The following ZRANB3 variants were observed in gnomAD, a reference collection of about 807,000 sequenced individuals.
ZRANB3 encodes DNA annealing helicase and endonuclease ZRANB3.
ZRANB3 carries 125 observed loss-of-function variants against 133.8 expected under a neutral mutation model. The ratio of observed to expected loss-of-function variants is 0.93; its 90% CI spans 0.81 to 1.08. ZRANB3 has a LOEUF of 1.08. ZRANB3 is among the 50% of genes least tolerant of loss of function. The pLI is 0.00. For synonymous variants in ZRANB3, 387 were observed against 432.7 expected (o/e 0.89, Z 1.31); for missense variants, 1,229 against 1,275.5 (o/e 0.96, Z 0.56).
intron 2 of ZRANB3, among the ~76,000 whole-genome samples, chr2:135,473,389 G>A (rs1456329920): frequency 6.6e-6 from 1 of 152,100 alleles, no homozygotes; most frequent in Non-Finnish European, 1.5e-5. Context: ...AATTTGAGCT[G>A]GGAAAAGGAC....
intron 3 of ZRANB3, among the ~76,000 whole-genome samples, chr2:135,379,401 A>G (rs977640694): frequency 6.6e-6 from 1 of 152,168 alleles, no homozygotes; most frequent in African/African-American, 2.4e-5. Context: ...TCAAAAATAG[A>G]AAGTCTGGTA....
intron 1 of ZRANB3, among the ~76,000 whole-genome samples, chr2:135,521,559 A>G (rs1488729170): frequency 3.3e-5 from 5 of 152,122 alleles, no homozygotes; most frequent in Non-Finnish European, 7.4e-5. Flanking sequence ...ATAAATACCT[A>G]CTATGCTTCA....
At chr2:135,313,398 C>A in intron 8 of ZRANB3, 91 bp downstream of exon 8, 10 of 761,122 alleles carry the variant, frequency 1.3e-5, no homozygotes, top group East Asian at 2.9e-5. Context: ...AGAAATTCTG[C>A]AATATATAAA....
chr2:135,426,859 AAAAAATATATATATATATATATATATAT>A (rs1689107252), intron 2 of ZRANB3, among the ~76,000 whole-genome samples: 1 of 47,824 alleles, frequency 2.1e-5, no homozygotes, highest in African/African-American at 1.4e-4. Flanking sequence ...AAAAAAAAAA[AAAAAATATATATATATATATATATATAT>A]ATATATATAT....
At chr2:135,388,840 G>A (rs890809646) in intron 3 of ZRANB3, among the ~76,000 whole-genome samples, 1 of 152,144 alleles carries the variant, frequency 6.6e-6, no homozygotes, top group African/African-American at 2.4e-5. Flanking sequence ...ACTTTGGGAG[G>A]CAGAGGCGGA....
chr2:135,253,135 TA>T (rs1679483678), intron 12 of ZRANB3, among the ~76,000 whole-genome samples: 4 of 152,322 alleles, frequency 2.6e-5, no homozygotes, highest in East Asian at 3.9e-4. Flanking sequence ...AAAATTCTGG[TA>T]AAAGCTATAT....
At chr2:135,356,595 T>C (rs1158797819) in intron 3 of ZRANB3, among the ~76,000 whole-genome samples, 1 of 152,262 alleles carries the variant, frequency 6.6e-6, no homozygotes, top group African/African-American at 2.4e-5. Context: ...TGTATTCTTG[T>C]ATCTAATCTA....
intron 2 of ZRANB3, among the ~76,000 whole-genome samples, chr2:135,475,267 T>C (rs947156437): frequency 6.6e-6 from 1 of 152,204 alleles, no homozygotes; most frequent in African/African-American, 2.4e-5. Context: ...ACATGAAGCA[T>C]TCACTTAACA....
chr2:135,401,912 G>A (rs550556582), intron 2 of ZRANB3, among the ~76,000 whole-genome samples: 9 of 151,950 alleles, frequency 5.9e-5, no homozygotes, highest in Non-Finnish European at 1.2e-4. Flanking sequence ...TATTAGTTTT[G>A]GCCATAAAAC....
chr2:135,258,968 C>T (rs1679803561), intron 12 of ZRANB3, among the ~76,000 whole-genome samples: 1 of 152,206 alleles, frequency 6.6e-6, no homozygotes, highest in African/African-American at 2.4e-5. Context: ...CACAACAAAG[C>T]AAACATTTCA....
chr2:135,449,768 CT>C (rs896137421), intron 2 of ZRANB3, among the ~76,000 whole-genome samples: 9 of 152,224 alleles, frequency 5.9e-5, no homozygotes, highest in African/African-American at 1.9e-4. Context: ...CCATTTCTTT[CT>C]TTTTTTGAGG....
intron 12 of ZRANB3, among the ~76,000 whole-genome samples, chr2:135,255,433 C>T (rs1679607527): frequency 1.3e-5 from 2 of 152,170 alleles, no homozygotes; most frequent in African/African-American, 4.8e-5. Flanking sequence ...TTTCTGCTTC[C>T]TTTTCTGTTC....
Position 135,238,553 on chromosome 2 carries a change from G to A in ZRANB3, c.1540-7626C>T, listed in dbSNP as rs577617046. ...TAATTTTTGTATTTTTAGTAGAGAT[G>A]GGGTTTCACCTGGTTGCCCAGGTGG... On this transcript the variant is annotated intron_variant, in intron 12 of 20. Transcript: ENST00000264159. Among the ~76,000 whole-genome samples, 16 of 152,142 alleles carry A rather than the reference G, an allele frequency of 1.1e-4. No individual in the cohort carries two copies. The South Asian group carries it at 3.3e-3, about 32-fold the overall frequency.
intron 8 of ZRANB3, among the ~76,000 whole-genome samples, 170 bp from the exon 9 acceptor site, chr2:135,275,925 T>TAAAAA (rs1680798667): frequency 2.0e-5 from 3 of 151,956 alleles, no homozygotes; most frequent in Admixed American, 6.6e-5. Flanking sequence ...AAGGAAAATG[T>TAAAAA]AAAAGAAGAG....
chr2:135,226,806 T>G (rs973672402), intron 14 of ZRANB3, among the ~76,000 whole-genome samples: 1 of 152,084 alleles, frequency 6.6e-6, no homozygotes, highest in African/African-American at 2.4e-5. Flanking sequence ...TTTCTCACAG[T>G]GAGATCAAGA....
chr2:135,407,013 G>A (rs1314945589), intron 2 of ZRANB3, among the ~76,000 whole-genome samples: 6 of 151,170 alleles, frequency 4.0e-5, no homozygotes, highest in Middle Eastern at 3.4e-3. Flanking sequence ...ATTCAATTAG[G>A]AAAAGAGGAA....
intron 2 of ZRANB3, among the ~76,000 whole-genome samples, chr2:135,466,895 G>A: frequency 6.6e-6 from 1 of 152,098 alleles, no homozygotes; most frequent in South Asian, 2.1e-4. Context: ...CAGGCTGCAA[G>A]TGATCCACCT....
chr2:135,366,500 A>C (rs1317066233), intron 3 of ZRANB3, among the ~76,000 whole-genome samples: 2 of 152,196 alleles, frequency 1.3e-5, no homozygotes, highest in African/African-American at 4.8e-5. Flanking sequence ...AACATAAAGG[A>C]AGGCCACTGA....
At chr2:135,360,076 C>T (rs1685603907) in intron 3 of ZRANB3, among the ~76,000 whole-genome samples, 1 of 152,078 alleles carries the variant, frequency 6.6e-6, no homozygotes, top group Admixed American at 6.6e-5. Flanking sequence ...AAAAGGACTA[C>T]CTTTTAAAAT....
Sources: allele counts gnomAD v4.1 joint callset (sites outside exome capture counted in the v4.1 genomes callset), GRCh38; gene constraint gnomAD v4.1.1; transcripts MANE v1.5; gene names NCBI Gene and HGNC (gene_info 2026-07-23, HGNC 2026-07-21).